Variants in ERBB4 observed in about 807,000 individuals in gnomAD.
ERBB4 encodes receptor tyrosine-protein kinase erbB-4.
ERBB4 carries 42 observed loss-of-function variants against 158.0 expected under a neutral mutation model. The ratio of observed to expected loss-of-function variants is 0.27; its 90% CI spans 0.21 to 0.34. The LOEUF is 0.34. ERBB4 is among the 10% of genes least tolerant of loss of function. The pLI, the probability that ERBB4 is intolerant of heterozygous loss-of-function variation, is 1.00. For synonymous variants in ERBB4, 583 were observed against 558.7 expected (o/e 1.04, Z -0.61); for missense variants, 1,333 against 1,624.1 (o/e 0.82, Z 3.08).
At chr2:212,484,727 T>G (rs777151152) in intron 1 of ERBB4, among the ~76,000 whole-genome samples, 2 of 152,218 alleles carry the variant, frequency 1.3e-5, no homozygotes, top group South Asian at 4.1e-4. Flanking sequence ...CCTTTCCATC[T>G]TTATCTCTGT....
intron 3 of ERBB4, among the ~76,000 whole-genome samples, chr2:211,935,887 A>G (rs906582687): frequency 6.6e-6 from 1 of 152,158 alleles, no homozygotes; most frequent in African/African-American, 2.4e-5. Context: ...ATACTTATTA[A>G]TTATGGTTGT....
chr2:211,942,639 A>T (rs1396711238), intron 3 of ERBB4, among the ~76,000 whole-genome samples: 1 of 152,102 alleles, frequency 6.6e-6, no homozygotes, highest in East Asian at 1.9e-4. Context: ...GTTTGTCCAT[A>T]CCTCAGATAA....
At chr2:212,379,443 A>G (rs931045009) in intron 1 of ERBB4, among the ~76,000 whole-genome samples, 1 of 151,678 alleles carries the variant, frequency 6.6e-6, no homozygotes, top group Admixed American at 6.6e-5. Flanking sequence ...TAAATGCAGT[A>G]TGACGAAAAG....
intron 15 of ERBB4, among the ~76,000 whole-genome samples, chr2:211,662,228 A>T (rs931833071): frequency 6.6e-6 from 1 of 152,080 alleles, no homozygotes; most frequent in African/African-American, 2.4e-5. Context: ...TACAAAACCA[A>T]AGTTAAACGG....
At chr2:212,428,971 G>A (rs1438799588) in intron 1 of ERBB4, among the ~76,000 whole-genome samples, 1 of 152,088 alleles carries the variant, frequency 6.6e-6, no homozygotes, top group African/African-American at 2.4e-5. Context: ...TACTTTATGA[G>A]ACATTCAAAT....
intron 1 of ERBB4, among the ~76,000 whole-genome samples, chr2:212,384,074 A>C (rs2090596245): frequency 6.6e-6 from 1 of 151,606 alleles, no homozygotes; most frequent in African/African-American, 2.4e-5. Flanking sequence ...GGTGTCCTAA[A>C]GGTTATGAGA....
At chr2:211,839,944 A>G (rs906944944) in intron 3 of ERBB4, among the ~76,000 whole-genome samples, 1 of 152,168 alleles carries the variant, frequency 6.6e-6, no homozygotes, top group African/African-American at 2.4e-5. Flanking sequence ...GGTAACATGT[A>G]GACTGACACT....
At chr2:212,221,733 T>C (rs2083296887) in intron 1 of ERBB4, among the ~76,000 whole-genome samples, 1 of 151,504 alleles carries the variant, frequency 6.6e-6, no homozygotes, top group Non-Finnish European at 1.5e-5. Context: ...TTTGCTTGTT[T>C]AGTTTTCCTC....
At chr2:211,866,261 TA>T (rs1240675876) in intron 3 of ERBB4, among the ~76,000 whole-genome samples, 2 of 152,182 alleles carry the variant, frequency 1.3e-5, no homozygotes, top group Admixed American at 6.5e-5. Flanking sequence ...AAAATTAAAA[TA>T]AACTAAAATA....
At chr2:212,085,445 G>A (rs537108503) in intron 2 of ERBB4, among the ~76,000 whole-genome samples, 1 of 151,896 alleles carries the variant, frequency 6.6e-6, no homozygotes, top group East Asian at 1.9e-4. Flanking sequence ...GATAATAGAT[G>A]GCAATTAGGC....
intron 1 of ERBB4, among the ~76,000 whole-genome samples, chr2:212,286,065 C>T (rs980682754): frequency 2.0e-5 from 3 of 152,130 alleles, no homozygotes; most frequent in African/African-American, 7.2e-5. Flanking sequence ...ATGAGTTACA[C>T]GTTGGCTCCC....
At chr2:211,937,593 T>C (rs1232351391) in intron 3 of ERBB4, among the ~76,000 whole-genome samples, 1 of 152,044 alleles carries the variant, frequency 6.6e-6, no homozygotes, top group African/African-American at 2.4e-5. Flanking sequence ...CTCATGAAAC[T>C]CACAATCATG....
chr2:211,455,065 C>T (rs145683593), intron 20 of ERBB4, among the ~76,000 whole-genome samples: 223 of 152,362 alleles, frequency 1.5e-3, no homozygotes, highest in African/African-American at 5.1e-3. Flanking sequence ...TTATCTTCAA[C>T]GGTGCTTCTC....
rs564598317 is a variant in ERBB4 at position 212,311,879 on chromosome 2, T to C, written c.83-186976A>G. 2.6e-5 allele frequency among the ~76,000 whole-genome samples: 4 copies of C among 151,098 alleles called. No individual in the cohort carries two copies. The South Asian group carries it at 8.3e-4, about 31-fold the overall frequency. On this transcript the variant is annotated intron_variant, in intron 1 of 27. Coordinates refer to ENST00000342788, the MANE Select transcript of ERBB4 (RefSeq NM_005235.3). The stretch of plus-strand genomic sequence containing the variant: ...GCCTAAAATGTGCACAAGAGAAATC[T>C]ATTAGAGCAAACATAAAGACACATA...
At chr2:211,522,203 T>A (rs2066205763) in intron 20 of ERBB4, among the ~76,000 whole-genome samples, 2 of 152,106 alleles carry the variant, frequency 1.3e-5, no homozygotes, top group Admixed American at 6.5e-5. Flanking sequence ...TTAAGTACAT[T>A]TGTGATTCAT....
chr2:211,765,030 G>A (rs765374935), intron 4 of ERBB4, among the ~76,000 whole-genome samples: 2 of 152,166 alleles, frequency 1.3e-5, no homozygotes, highest in Non-Finnish European at 2.9e-5. Flanking sequence ...TAACAGTCAG[G>A]GTGGAGGGTG....
Position 211,543,424 on chromosome 2 carries a change from A to C in ERBB4, c.2487+18479T>G, listed in dbSNP as rs535429615. On this transcript the variant is annotated intron_variant, in intron 20 of 27. Transcript: ENST00000342788. ...TAAATATCAAATTAGCCCTCAAATC[A>C]TAAGAAATAAATCCATGTGGGCTCA... is the stretch of plus-strand genomic sequence containing the variant. 2.6e-4 allele frequency among the ~76,000 whole-genome samples: 40 copies of C among 152,126 alleles called. 1 individual carries two copies. The South Asian group carries it at 7.1e-3, about 27-fold the overall frequency.
At chr2:212,239,327 C>G (rs958651212) in intron 1 of ERBB4, among the ~76,000 whole-genome samples, 2 of 152,166 alleles carry the variant, frequency 1.3e-5, no homozygotes, top group African/African-American at 4.8e-5. Flanking sequence ...ACAGGCATGA[C>G]CCATCACACC....
intron 1 of ERBB4, among the ~76,000 whole-genome samples, chr2:212,147,634 T>C (rs993573375): frequency 6.6e-6 from 1 of 152,180 alleles, no homozygotes; most frequent in Non-Finnish European, 1.5e-5. Flanking sequence ...GAAAGAAGCA[T>C]CTTCTCAGCA....
Sources: gnomAD v4.1 joint callset for allele counts (sites outside exome capture counted in the v4.1 genomes callset) on GRCh38, gnomAD v4.1.1 for gene constraint, MANE v1.5 for transcripts, NCBI Gene and HGNC (gene_info 2026-07-23, HGNC 2026-07-21) for gene names.